Variants in JARID2 observed in about 807,000 individuals in gnomAD.
The protein encoded by JARID2 is protein Jumonji.
Under a neutral mutation model 125.6 loss-of-function variants are expected in JARID2, and 21 were observed. The ratio of observed to expected loss-of-function variants is 0.17; its 90% CI spans 0.12 to 0.24. The LOEUF is 0.24. JARID2 is among the 10% of genes least tolerant of loss of function. The pLI, the probability that JARID2 is intolerant of heterozygous loss-of-function variation, is 1.00. For synonymous variants in JARID2, 736 were observed against 661.6 expected (o/e 1.11, Z -1.73); for missense variants, 1,303 against 1,639.6 (o/e 0.79, Z 3.55).
chr6:15,467,860 A>G (rs1036862232), intron 4 of JARID2, among the ~76,000 whole-genome samples: 4 of 152,146 alleles, frequency 2.6e-5, no homozygotes, highest in Non-Finnish European at 4.4e-5. Context: ...AAAATCCGGA[A>G]TGAGAACCTT....
chr6:15,260,689 C>T (rs1344133693), intron 1 of JARID2, among the ~76,000 whole-genome samples: 2 of 152,200 alleles, frequency 1.3e-5, no homozygotes, highest in African/African-American at 4.8e-5. Context: ...ACTGCACGCT[C>T]TTCTGTACTT....
intron 6 of JARID2, among the ~76,000 whole-genome samples, chr6:15,489,021 A>G (rs566770481): frequency 1.3e-5 from 2 of 152,206 alleles, no homozygotes; most frequent in South Asian, 4.1e-4. Flanking sequence ...GCTGTTCCCA[A>G]TGCTGTTGGT....
chr6:15,472,450 C>T (rs1769123437), intron 5 of JARID2, among the ~76,000 whole-genome samples: 1 of 152,180 alleles, frequency 6.6e-6, no homozygotes, highest in Non-Finnish European at 1.5e-5. Flanking sequence ...TCTCACATCC[C>T]TGAGCAGCTG....
intron 5 of JARID2, among the ~76,000 whole-genome samples, chr6:15,469,120 A>G (rs1768892661): frequency 6.6e-6 from 1 of 152,008 alleles, no homozygotes; most frequent in Admixed American, 6.5e-5. Flanking sequence ...TTGCACATAC[A>G]TTCTGAAGTG....
chr6:15,286,185 T>C (rs1458265322), intron 1 of JARID2, among the ~76,000 whole-genome samples: 1 of 152,190 alleles, frequency 6.6e-6, no homozygotes, highest in Non-Finnish European at 1.5e-5. Context: ...AATGCTTTCT[T>C]TGAAAATGTG....
At chr6:15,324,629 A>G (rs1581413742) in intron 1 of JARID2, among the ~76,000 whole-genome samples, 1 of 148,460 alleles carries the variant, frequency 6.7e-6, no homozygotes, top group Non-Finnish European at 1.5e-5. Flanking sequence ...GGCGTGCACC[A>G]CCACGCCTGG....
chr6:15,273,619 T>G (rs1010509840), intron 1 of JARID2, among the ~76,000 whole-genome samples: 1 of 152,218 alleles, frequency 6.6e-6, no homozygotes, highest in Non-Finnish European at 1.5e-5. Flanking sequence ...AAGAATCGCT[T>G]GAACCTGGGA....
At chr6:15,258,065 C>T (rs929115122) in intron 1 of JARID2, among the ~76,000 whole-genome samples, 11 of 152,156 alleles carry the variant, frequency 7.2e-5, no homozygotes, top group African/African-American at 2.7e-4. Context: ...ATAAAGATGA[C>T]CCCCAATCAC....
chr6:15,490,879 T>TACAG (rs1485419888), intron 6 of JARID2, among the ~76,000 whole-genome samples: 1 of 152,190 alleles, frequency 6.6e-6, no homozygotes, highest in East Asian at 1.9e-4. Flanking sequence ...TAAGCCAGGA[T>TACAG]ATTGAACCAG....
intron 1 of JARID2, among the ~76,000 whole-genome samples, chr6:15,355,790 T>G (rs1198054185): frequency 6.6e-6 from 1 of 152,222 alleles, no homozygotes; most frequent in African/African-American, 2.4e-5. Flanking sequence ...TTCTGTATTT[T>G]TAGTAGAGAC....
chr6:15,452,580 G>A (rs566427624), intron 4 of JARID2, among the ~76,000 whole-genome samples: 126 of 152,166 alleles, frequency 8.3e-4, no homozygotes, highest in African/African-American at 2.9e-3. Context: ...TGCTTCCTAA[G>A]GCCTGTCAAT....
At chr6:15,480,815 A>G (rs576630611) in intron 5 of JARID2, among the ~76,000 whole-genome samples, 1 of 152,346 alleles carries the variant, frequency 6.6e-6, no homozygotes, top group African/African-American at 2.4e-5. Flanking sequence ...AGAACTAGAC[A>G]TCAAAATCAA....
chr6:15,521,747 G>A lies in JARID2; in HGVS notation c.*1496G>A, dbSNP rs1002865331. ...CCTATGATCCACTTTGTTGGTTGTT[G>A]TTGCAGAAGACTGAACTGTTTTGGA... On this transcript the variant is annotated 3_prime_UTR_variant, in exon 18 of 18. Coordinates refer to ENST00000341776, the MANE Select transcript of JARID2 (RefSeq NM_004973.4). The A allele has an allele frequency of 6.6e-6, 1 of 152,228 alleles. No individual in the cohort carries two copies. 9.4% of individuals were successfully genotyped at this position (152,228 alleles called of 1,614,324 possible).
intron 3 of JARID2, among the ~76,000 whole-genome samples, chr6:15,412,307 T>G (rs1173853632): frequency 1.3e-5 from 2 of 152,088 alleles, no homozygotes. Context: ...ATGCATTTCT[T>G]TTTTTGGGGG....
chr6:15,509,089 G>C (rs533166787), intron 12 of JARID2: 2 of 1,289,168 alleles, frequency 1.6e-6, no homozygotes, highest in Non-Finnish European at 2.0e-6. Flanking sequence ...GTTGCCTGGC[G>C]AGGTGTTCTG....
intron 9 of JARID2, among the ~76,000 whole-genome samples, chr6:15,506,464 A>G (rs1771010938): frequency 6.6e-6 from 1 of 152,188 alleles, no homozygotes; most frequent in South Asian, 2.1e-4. Flanking sequence ...ACTGGACCCT[A>G]TGATGCTGGG....
At chr6:15,477,123 G>A (rs1769381226) in intron 5 of JARID2, among the ~76,000 whole-genome samples, 1 of 152,176 alleles carries the variant, frequency 6.6e-6, no homozygotes, top group Non-Finnish European at 1.5e-5. Context: ...TTTTTAAACA[G>A]CATGTCATTG....
intron 1 of JARID2, among the ~76,000 whole-genome samples, chr6:15,305,458 A>T (rs1042352110): frequency 1.3e-5 from 2 of 152,158 alleles, no homozygotes; most frequent in African/African-American, 4.8e-5. Context: ...GCTAAATTTC[A>T]TTCCCCATCC....
intron 1 of JARID2, chr6:15,249,041 C>A: frequency 2.5e-6 from 2 of 784,498 alleles, no homozygotes; most frequent in Non-Finnish European, 3.1e-6. Flanking sequence ...AAGCGGGGAG[C>A]GGGGAGGAGG....
Sources: gnomAD v4.1 joint callset for allele counts (sites outside exome capture counted in the v4.1 genomes callset) on GRCh38, gnomAD v4.1.1 for gene constraint, MANE v1.5 for transcripts, NCBI Gene and HGNC (gene_info 2026-07-23, HGNC 2026-07-21) for gene names.